ANXA10: variants seen among roughly 807,000 people sequenced by gnomAD.
The protein encoded by ANXA10 is annexin 14.
ANXA10 carries 49 observed loss-of-function variants against 53.5 expected under a neutral mutation model. That is an observed-to-expected ratio of 0.92 (90% CI 0.73 to 1.16). ANXA10 has a LOEUF of 1.16. Ranked by LOEUF, ANXA10 falls within the 50% of genes most tolerant of loss-of-function variation. ANXA10 has a pLI of 0.00. For missense variants in ANXA10, 393 were observed against 394.4 expected (o/e 1.00, Z 0.03); for synonymous variants, 131 against 128.9 (o/e 1.02, Z -0.11).
At chr4:168,140,883 G>T (rs1351795690) in intron 3 of ANXA10, among the ~76,000 whole-genome samples, 2 of 152,220 alleles carry the variant, frequency 1.3e-5, no homozygotes, top group Non-Finnish European at 2.9e-5. Context: ...GCCTCCCAAA[G>T]TGTTGGGATT....
At chr4:168,122,802 AC>A (rs1731008709) in intron 1 of ANXA10, among the ~76,000 whole-genome samples, 1 of 152,062 alleles carries the variant, frequency 6.6e-6, no homozygotes, top group African/African-American at 2.4e-5. Flanking sequence ...TGAGGTATCC[AC>A]CCCTATGACC....
rs115446460 is a variant in ANXA10 at position 168,150,493 on chromosome 4, C to T, written c.195+10913C>T. Among the ~76,000 whole-genome samples, 1,321 of 152,206 alleles carry T rather than the reference C, an allele frequency of 8.7e-3. 13 individuals carry two copies. Among genetic ancestry groups the T allele is most frequent in the African/African-American group, 0.03 (1,259 of 41,510 alleles). On this transcript the variant is annotated intron_variant, in intron 3 of 11. Transcript: ENST00000359299. ...AAAAGGTTGCAGCCTGCAGGGTGGCCATTCTGACAGGCTGGGAAGCATGGT... is the reference window on the plus strand; with the variant it reads ...AAAAGGTTGCAGCCTGCAGGGTGGCTATTCTGACAGGCTGGGAAGCATGGT...
chr4:168,095,984 T>C (rs1730534558), intron 1 of ANXA10, among the ~76,000 whole-genome samples: 2 of 152,180 alleles, frequency 1.3e-5, no homozygotes, highest in African/African-American at 4.8e-5. Context: ...TGTTAGGCAG[T>C]GTCTACTATG....
chr4:168,141,924 C>T (rs932865453), intron 3 of ANXA10, among the ~76,000 whole-genome samples: 5 of 152,072 alleles, frequency 3.3e-5, no homozygotes, highest in East Asian at 1.9e-4. Context: ...TTAGTCAGTG[C>T]GCATGCGTGG....
In ANXA10 at chr4:168,187,414, G is replaced by T; in HGVS notation, c.955G>T (p.Gly319Cys). The change falls in exon 12 of 12, where the codon GGT becomes TGT. Residue 319 changes from glycine (G) to cysteine (C), a missense_variant. Gly to Cys is a radical substitution (Grantham distance 159, BLOSUM62 -3). Transcript: ENST00000359299. ...GAAAGCACTGCTTGCCATCTGTGCT[G>T]GTGATGCTGAGGACTACTAAAATGA... is the stretch of plus-strand genomic sequence containing the variant. ...YKKALLAICAGDAEDY is the reference protein window; with the variant it reads ...YKKALLAICACDAEDY 6.3e-7 allele frequency: 1 copy of T among 1,596,290 alleles called. No homozygotes were observed. Among genetic ancestry groups the T allele is most frequent in the South Asian group, 1.1e-5 (1 of 87,128 alleles).
chr4:168,160,538 T>C (rs1299114653), intron 3 of ANXA10, among the ~76,000 whole-genome samples: 1 of 152,192 alleles, frequency 6.6e-6, no homozygotes, highest in Non-Finnish European at 1.5e-5. Context: ...TGTATCTTTA[T>C]AATATTAATA....
At chr4:168,149,797 C>T (rs1409693334) in intron 3 of ANXA10, among the ~76,000 whole-genome samples, 5 of 152,312 alleles carry the variant, frequency 3.3e-5, no homozygotes, top group Admixed American at 2.6e-4. Flanking sequence ...GGAAAATGTT[C>T]TCCTACTCAA....
At chr4:168,117,840 G>A (rs1239359657) in intron 1 of ANXA10, among the ~76,000 whole-genome samples, 1 of 152,092 alleles carries the variant, frequency 6.6e-6, no homozygotes, top group Non-Finnish European at 1.5e-5. Flanking sequence ...CAGCAGCTCA[G>A]GCACAAGGTG....
intron 1 of ANXA10, among the ~76,000 whole-genome samples, chr4:168,117,449 T>C (rs528373510): frequency 6.6e-6 from 1 of 152,346 alleles, no homozygotes; most frequent in African/African-American, 2.4e-5. Flanking sequence ...CTTCATGGTT[T>C]CTTATAACAC....
intron 2 of ANXA10, among the ~76,000 whole-genome samples, chr4:168,136,100 A>G (rs889046171): frequency 6.6e-6 from 1 of 152,096 alleles, no homozygotes; most frequent in Non-Finnish European, 1.5e-5. Flanking sequence ...CTCACTCACT[A>G]TCAGAAGACC....
chr4:168,139,014 A>T (rs1285058783), intron 2 of ANXA10, among the ~76,000 whole-genome samples: 5 of 152,130 alleles, frequency 3.3e-5, no homozygotes, highest in African/African-American at 1.2e-4. Context: ...ATAGTTTTCT[A>T]TAAGATGGTA....
chr4:168,115,497 G>GCGCA (rs1245136318), intron 1 of ANXA10, among the ~76,000 whole-genome samples: 601 of 136,524 alleles, frequency 4.4e-3, no homozygotes, highest in Middle Eastern at 0.011. Context: ...CAATACACAC[G>GCGCA]CACACACACA....
chr4:168,119,247 A>C (rs751820139), intron 1 of ANXA10, among the ~76,000 whole-genome samples: 3 of 152,182 alleles, frequency 2.0e-5, no homozygotes, highest in Non-Finnish European at 4.4e-5. Context: ...TATCTCAGGA[A>C]ATGAGGTGGA....
chr4:168,186,775 T>G (rs1370558573), intron 11 of ANXA10, among the ~76,000 whole-genome samples: 1 of 152,170 alleles, frequency 6.6e-6, no homozygotes, highest in Non-Finnish European at 1.5e-5. Flanking sequence ...AAAGAGTATT[T>G]TTATTGAATC....
Position 168,128,743 on chromosome 4 carries a change from C to T in ANXA10, c.100+578C>T, listed in dbSNP as rs142444035. On this transcript the variant is annotated intron_variant, in intron 2 of 11. Transcript: ENST00000359299. ...TGCAAGCTCAATCAGCTATGCCAAC[C>T]CCCCAGGCACCTTACTTCCTACCTC... Among the ~76,000 whole-genome samples, 283 of 152,078 alleles carry T rather than the reference C, an allele frequency of 1.9e-3. 1 individual carries two copies. In the Middle Eastern group the frequency reaches 0.031, roughly 16 times the overall value.
intron 2 of ANXA10, among the ~76,000 whole-genome samples, chr4:168,135,250 G>A (rs1441329616): frequency 6.6e-6 from 1 of 152,142 alleles, no homozygotes; most frequent in Non-Finnish European, 1.5e-5. Flanking sequence ...TTGCTAATTG[G>A]CACTTAACAA....
intron 9 of ANXA10, among the ~76,000 whole-genome samples, chr4:168,179,942 G>A (rs1732209105): frequency 6.6e-6 from 1 of 152,172 alleles, no homozygotes; most frequent in South Asian, 2.1e-4. Context: ...CTGTGCTGGT[G>A]AATTGACAGC....
At position 168,187,506 on chromosome 4, in the gene ANXA10, T is replaced by C; in HGVS notation, c.*72T>C. 1 of 1,031,918 alleles carries C rather than the reference T, an allele frequency of 9.7e-7. No homozygotes were observed. The highest frequency in any genetic ancestry group is 1.9e-5 in the South Asian group (1 of 52,468). 63.9% of individuals were successfully genotyped at this position (1,031,918 alleles called of 1,614,324 possible). A position where few individuals can be genotyped will look rare whatever the true frequency, so the allele number is the denominator to read the frequency against. On this transcript the variant is annotated 3_prime_UTR_variant, in exon 12 of 12. Transcript: ENST00000359299. The stretch of plus-strand genomic sequence containing the variant: ...CCAAATAGAGATTTTCTCACAAATT[T>C]GTACTGTTCATGGCACTATTAACAA...
chr4:168,127,081 C>T (rs1731081825), intron 1 of ANXA10, among the ~76,000 whole-genome samples: 1 of 151,986 alleles, frequency 6.6e-6, no homozygotes, highest in South Asian at 2.1e-4. Flanking sequence ...GCATGAATTC[C>T]CCAATGTGTC....
Sources: allele counts gnomAD v4.1 joint callset (sites outside exome capture counted in the v4.1 genomes callset), GRCh38; gene constraint gnomAD v4.1.1; transcripts MANE v1.5; gene names NCBI Gene and HGNC (gene_info 2026-07-23, HGNC 2026-07-21).